Variants in SPCS3 observed in about 807,000 individuals in gnomAD.
SPCS3 encodes the protein SPase 22 kDa subunit.
Under a neutral mutation model 17.2 loss-of-function variants are expected in SPCS3, and 9 were observed. That is an observed-to-expected ratio of 0.52 (90% CI 0.31 to 0.91). The LOEUF (loss-of-function observed/expected upper bound fraction) is 0.91. Among genes scored for constraint, SPCS3 ranks in the 40% least tolerant of loss-of-function variants. SPCS3 has a pLI of 0.04. For missense variants in SPCS3, 139 were observed against 217.5 expected, an observed-to-expected ratio of 0.64 and a Z score of 2.27; for synonymous variants, 87 against 89.6, an observed-to-expected ratio of 0.97 and a Z score of 0.16.
intron 4 of SPCS3, among the ~76,000 whole-genome samples, chr4:176,327,932 C>G (rs1440811950): frequency 6.6e-6 from 1 of 152,136 alleles, no homozygotes; most frequent in Non-Finnish European, 1.5e-5. Context: ...ATCATTTAAA[C>G]TTTTCGGTTG....
intron 3 of SPCS3, among the ~76,000 whole-genome samples, chr4:176,326,703 TAGC>T: frequency 6.6e-6 from 1 of 152,340 alleles, no homozygotes; most frequent in East Asian, 1.9e-4. Context: ...TAACCTGTAT[TAGC>T]AGTGTGATGG....
Position 176,320,002 on chromosome 4 carries a change from G to A in SPCS3, c.-75G>A. On this transcript the variant is annotated 5_prime_UTR_variant, in exon 1 of 5. Transcript: ENST00000503362. ...GCGCGCACCGCAGACGGCGCGGATC[G>A]CAGGGAGCCGGTCCGCCGCCGGAAC... 2 of 1,395,478 alleles carry A rather than the reference G, an allele frequency of 1.4e-6. No individual in the cohort carries two copies. Among genetic ancestry groups the A allele is most frequent in the Admixed American group, 2.7e-5 (1 of 36,948 alleles). 86.4% of individuals were successfully genotyped at this position (1,395,478 alleles called of 1,614,324 possible). A position where few individuals can be genotyped will look rare whatever the true frequency, so the allele number is the denominator to read the frequency against.
chr4:176,321,421 T>C (rs1038880657), intron 1 of SPCS3: 3 of 152,194 alleles, frequency 2.0e-5, no homozygotes, highest in Non-Finnish European at 2.9e-5. Context: ...GTGAAAAATA[T>C]TGTCAGTGGG....
In SPCS3 at chr4:176,331,239, A is replaced by G. The variant is rs911264394; in HGVS notation, c.*2909A>G. 2 of 151,712 alleles carry G rather than the reference A, an allele frequency of 1.3e-5. No individual in the cohort carries two copies. Among genetic ancestry groups the G allele is most frequent in the African/African-American group, 2.4e-5 (1 of 41,314 alleles). 9.4% of individuals were successfully genotyped at this position (151,712 alleles called of 1,614,324 possible). A position where few individuals can be genotyped will look rare whatever the true frequency, so the allele number is the denominator to read the frequency against. On this transcript the variant is annotated 3_prime_UTR_variant, in exon 5 of 5. Transcript: ENST00000503362. ...AACATTTTTCACTATTTTTTTTTCT[A>G]TCTGAAGCTTAGAGATCTAGAGCTT...
At chr4:176,326,396 A>G (rs917382041) in intron 3 of SPCS3, among the ~76,000 whole-genome samples, 7 of 152,184 alleles carry the variant, frequency 4.6e-5, no homozygotes, top group African/African-American at 1.7e-4. Context: ...AATAGATGCT[A>G]ACTTAATAAG....
At position 176,330,129 on chromosome 4, in the gene SPCS3, C is replaced by T. The variant is rs1731664151; in HGVS notation, c.*1799C>T. ...AAGTTGATAAAATTTATCTGTTCAG[C>T]AAAGAGATTGAACAAAAAAGCACGT... On this transcript the variant is annotated 3_prime_UTR_variant, in exon 5 of 5. Transcript: ENST00000503362. 1 of 152,072 alleles carries T rather than the reference C, an allele frequency of 6.6e-6. No individual in the cohort carries two copies. The highest frequency in any genetic ancestry group is 1.5e-5 in the Non-Finnish European group (1 of 67,994). 9.4% of individuals were successfully genotyped at this position (152,072 alleles called of 1,614,324 possible). A position where few individuals can be genotyped will look rare whatever the true frequency, so the allele number is the denominator to read the frequency against.
At position 176,329,584 on chromosome 4, in the gene SPCS3, T is replaced by G. The variant is rs527365168; in HGVS notation, c.*1254T>G. 3.9e-5 allele frequency: 6 copies of G among 152,212 alleles called. No individual in the cohort carries two copies. Among genetic ancestry groups the G allele is most frequent in the Non-Finnish European group, 8.8e-5 (6 of 68,006 alleles). The allele number at this position is 152,212 out of a possible 1,614,324, so 9.4% of individuals were successfully genotyped here. ...TCGAGGTAATATTTTATTCTCTGAA[T>G]AAATTCATTTCACTTATATTAAAAG... On this transcript the variant is annotated 3_prime_UTR_variant, in exon 5 of 5. Transcript: ENST00000503362.
intron 4 of SPCS3, among the ~76,000 whole-genome samples, chr4:176,327,787 A>G (rs1329231531): frequency 6.6e-6 from 1 of 152,254 alleles, no homozygotes; most frequent in African/African-American, 2.4e-5. Flanking sequence ...GACCAAGCCA[A>G]ACGTCTGTAT....
chr4:176,321,824 CT>C (rs1431901703), intron 1 of SPCS3: 7 of 161,128 alleles, frequency 4.3e-5, no homozygotes, highest in African/African-American at 1.4e-4. Flanking sequence ...AATATGCCAT[CT>C]GTTAGTATTC....
At chr4:176,324,600 A>G (rs1390422150) in intron 3 of SPCS3, among the ~76,000 whole-genome samples, 1 of 152,232 alleles carries the variant, frequency 6.6e-6, no homozygotes, top group African/African-American at 2.4e-5. Flanking sequence ...TTCTGGAGGA[A>G]AGGAGGAATT....
At position 176,332,167 on chromosome 4, in the gene SPCS3, T is replaced by C. The variant is rs910110059; in HGVS notation, c.*3837T>C. The C allele has an allele frequency of 6.6e-6, 1 of 152,378 alleles. No homozygotes were observed. The allele number at this position is 152,378 out of a possible 1,614,324, so 9.4% of individuals were successfully genotyped here. A position where few individuals can be genotyped will look rare whatever the true frequency, so the allele number is the denominator to read the frequency against. ...GCTCTTTGAGGGCAGTCTGTCAGAT[T>C]TATCTTTGTATCTTCCCCAGCGCCT... is the stretch of plus-strand genomic sequence containing the variant. On this transcript the variant is annotated 3_prime_UTR_variant, in exon 5 of 5. Coordinates refer to ENST00000503362, the MANE Select transcript of SPCS3 (RefSeq NM_021928.4).
chr4:176,328,444 T>G lies in SPCS3; in HGVS notation c.*114T>G. The G allele has an allele frequency of 5.6e-6, 4 of 715,834 alleles. No homozygotes were observed. The highest frequency in any genetic ancestry group is 7.6e-6 in the Non-Finnish European group (4 of 525,538). 44.3% of individuals were successfully genotyped at this position (715,834 alleles called of 1,614,324 possible). On this transcript the variant is annotated 3_prime_UTR_variant, in exon 5 of 5. Transcript: ENST00000503362. Reference sequence around the variant, plus strand: ...TTGTTTTTTGGTTTTGGGTTTTTTTTTTTTTTTTTTTGGTATAAGAACTAA... The same window carrying G: ...TTGTTTTTTGGTTTTGGGTTTTTTTGTTTTTTTTTTTGGTATAAGAACTAA...
intron 3 of SPCS3, 30 bp from the exon 4 acceptor site, chr4:176,327,132 G>A: frequency 7.8e-7 from 1 of 1,285,652 alleles, no homozygotes; most frequent in South Asian, 1.4e-5. Flanking sequence ...TTTCTGATGA[G>A]TTATCTAATT....
At chr4:176,323,650 A>G (rs1429137440) in intron 2 of SPCS3, among the ~76,000 whole-genome samples, 1 of 152,194 alleles carries the variant, frequency 6.6e-6, no homozygotes, top group Non-Finnish European at 1.5e-5. Context: ...GAATTGAGCC[A>G]CATTGGTGTC....
Position 176,324,163 on chromosome 4 carries a change from T to C in SPCS3, c.218-18T>C, listed in dbSNP as rs1163842685. Reference sequence around the variant, plus strand: ...TGATATACTGCTCATAAATTTATATTTTCCTTAATTTACTTACATCTAGAG... The same window carrying C: ...TGATATACTGCTCATAAATTTATATCTTCCTTAATTTACTTACATCTAGAG... On this transcript the variant is annotated intron_variant, in intron 2 of 4. Coordinates refer to ENST00000503362, the MANE Select transcript of SPCS3 (RefSeq NM_021928.4). The C allele has an allele frequency of 9.2e-7, 1 of 1,086,822 alleles. No homozygotes were observed. The highest frequency in any genetic ancestry group is 1.3e-6 in the Non-Finnish European group (1 of 786,892). The allele number at this position is 1,086,822 out of a possible 1,614,324, so 67.3% of individuals were successfully genotyped here.
chr4:176,320,536 A>C (rs1390499540), intron 1 of SPCS3: 1 of 167,038 alleles, frequency 6.0e-6, no homozygotes, highest in Non-Finnish European at 1.3e-5. Flanking sequence ...CTGGCCAATG[A>C]GGGAGCAACA....
chr4:176,327,076 A>G, intron 3 of SPCS3, 86 bp from the exon 4 acceptor site: 1 of 752,526 alleles, frequency 1.3e-6, no homozygotes, highest in African/African-American at 1.9e-5. Flanking sequence ...TAACATGTCA[A>G]ACTATTTGCT....
intron 1 of SPCS3, chr4:176,321,243 C>T (rs1731534496): frequency 6.6e-6 from 1 of 151,896 alleles, no homozygotes; most frequent in Non-Finnish European, 1.5e-5. Context: ...ATCAGCACTG[C>T]CATTGTCAGC....
chr4:176,324,041 A>C (rs554786340), intron 2 of SPCS3, 140 bp from the exon 3 acceptor site: 36 of 403,736 alleles, frequency 8.9e-5, no homozygotes, highest in Non-Finnish European at 1.4e-4. Context: ...ATTTTTATTA[A>C]ATTAGTGGCA....
Sources: allele counts gnomAD v4.1 joint callset (sites outside exome capture counted in the v4.1 genomes callset), GRCh38; gene constraint gnomAD v4.1.1; transcripts MANE v1.5; gene names NCBI Gene and HGNC (gene_info 2026-07-23, HGNC 2026-07-21).